Variants in KCNN3 observed in about 807,000 individuals in gnomAD.
KCNN3 encodes the protein potassium calcium-activated channel subfamily N member 3.
In KCNN3, 16 loss-of-function variants were observed where a neutral mutation model predicts 62.9. The ratio of observed to expected loss-of-function variants is 0.25; its 90% CI spans 0.17 to 0.39. KCNN3 has a LOEUF of 0.39. Ranked by LOEUF, KCNN3 falls within the 10% of genes least tolerant of loss-of-function variation. The pLI is 1.00. For synonymous variants in KCNN3, 370 were observed against 389.2 expected, an observed-to-expected ratio of 0.95 and a Z score of 0.58; for missense variants, 599 against 949.4, an observed-to-expected ratio of 0.63 and a Z score of 4.85.
At chr1:154,861,817 C>T (rs573369728) in intron 1 of KCNN3, among the ~76,000 whole-genome samples, 14 of 152,304 alleles carry the variant, frequency 9.2e-5, no homozygotes, top group African/African-American at 3.4e-4. Flanking sequence ...AATCAGATTG[C>T]GAAGCCTCGG....
chr1:154,849,296 G>T (rs1444828717), intron 1 of KCNN3, among the ~76,000 whole-genome samples: 1 of 152,248 alleles, frequency 6.6e-6, no homozygotes, highest in African/African-American at 2.4e-5. Context: ...GGAAACACAA[G>T]CAAGAAGCAA....
chr1:154,738,148 A>T (rs1231683103), intron 3 of KCNN3, among the ~76,000 whole-genome samples: 1 of 152,206 alleles, frequency 6.6e-6, no homozygotes, highest in Non-Finnish European at 1.5e-5. Context: ...ATGAAAATAG[A>T]TGCACACCAA....
In KCNN3 at chr1:154,821,755, G is replaced by A. The variant is rs147078218; in HGVS notation, c.1029+334C>T. On this transcript the variant is annotated intron_variant, in intron 2 of 7. Coordinates refer to ENST00000271915, the MANE Select transcript of KCNN3 (RefSeq NM_002249.6). ...TCAGAAAGGACAAGAGACACAAAAG[G>A]CAGAGCAATGCATCAGGGGCTCTCC... 4.2e-3 allele frequency among the ~76,000 whole-genome samples: 641 copies of A among 152,300 alleles called. 4 individuals carry two copies. The highest frequency in any genetic ancestry group is 0.015 in the African/African-American group (604 of 41,554).
chr1:154,762,268 T>C (rs766313576), intron 3 of KCNN3, among the ~76,000 whole-genome samples: 1 of 152,224 alleles, frequency 6.6e-6, no homozygotes, highest in African/African-American at 2.4e-5. Flanking sequence ...CTTCTTGCCC[T>C]CAGCGTAAGA....
chr1:154,807,974 G>C (rs1650251008), intron 2 of KCNN3, among the ~76,000 whole-genome samples: 1 of 152,134 alleles, frequency 6.6e-6, no homozygotes, highest in Admixed American at 6.5e-5. Flanking sequence ...TAAGGTCAGA[G>C]CAGGTCCCAG....
At position 154,869,428 on chromosome 1, in the gene KCNN3, C is replaced by T. The variant is rs1364361025; in HGVS notation, c.537G>A (p.Lys179=). The change falls in exon 1 of 8, where the codon AAG becomes AAA. Residue 179 remains lysine, a synonymous_variant. Coordinates refer to ENST00000271915, the MANE Select transcript of KCNN3 (RefSeq NM_002249.6). This position sits in a 1 kb window ranked among gnomAD's most constrained non-coding sequence, Gnocchi z 6.1. ...PFTEIAMSSC[K]YSGGVMKPLS... is the part of the protein sequence containing the mutation. ...GGGGCTTCATGACCCCACCGCTATACTTGCAGGAGCTCATGGCGATCTCCG... is the reference window on the plus strand; with the variant it reads ...GGGGCTTCATGACCCCACCGCTATATTTGCAGGAGCTCATGGCGATCTCCG... The T allele has an allele frequency of 8.1e-6, 13 of 1,613,970 alleles. No individual in the cohort carries two copies. The highest frequency in any genetic ancestry group is 1.1e-5 in the Non-Finnish European group (13 of 1,179,974).
At chr1:154,743,433 C>T (rs1026316953) in intron 3 of KCNN3, among the ~76,000 whole-genome samples, 2 of 152,186 alleles carry the variant, frequency 1.3e-5, no homozygotes, top group Non-Finnish European at 2.9e-5. Context: ...ACCTGGGGGC[C>T]TCTCTGAGCC....
At chr1:154,811,172 C>T (rs910807580) in intron 2 of KCNN3, among the ~76,000 whole-genome samples, 9 of 152,102 alleles carry the variant, frequency 5.9e-5, no homozygotes, top group South Asian at 2.1e-4. Context: ...AACCCCGGCC[C>T]GTGACGTTAG....
intron 2 of KCNN3, among the ~76,000 whole-genome samples, chr1:154,777,380 C>T (rs897273414): frequency 7.2e-5 from 11 of 152,022 alleles, no homozygotes; most frequent in East Asian, 5.8e-4. Flanking sequence ...GGTGTGTAGG[C>T]GGATGACTGT....
At chr1:154,792,579 C>G (rs548158005) in intron 2 of KCNN3, among the ~76,000 whole-genome samples, 1 of 152,200 alleles carries the variant, frequency 6.6e-6, no homozygotes, top group East Asian at 1.9e-4. Flanking sequence ...ATGGCCATCC[C>G]TTATTCCAGT....
At chr1:154,771,357 A>G (rs888654710) in intron 3 of KCNN3, among the ~76,000 whole-genome samples, 1 of 152,180 alleles carries the variant, frequency 6.6e-6, no homozygotes, top group Non-Finnish European at 1.5e-5. Context: ...TTCCATCAGT[A>G]CAGTGCTTCT....
At chr1:154,715,480 G>C (rs1216315175) in intron 5 of KCNN3, among the ~76,000 whole-genome samples, 2 of 149,288 alleles carry the variant, frequency 1.3e-5, no homozygotes. Flanking sequence ...AAATTCATCT[G>C]TTCTTAATCT....
intron 3 of KCNN3, among the ~76,000 whole-genome samples, chr1:154,754,310 C>T (rs1047180439): frequency 2.6e-5 from 4 of 151,998 alleles, no homozygotes; most frequent in Admixed American, 1.3e-4. Context: ...CAAGCGACAC[C>T]GCAGAATAAG....
At chr1:154,747,323 A>C (rs1700959796) in intron 3 of KCNN3, among the ~76,000 whole-genome samples, 1 of 151,980 alleles carries the variant, frequency 6.6e-6, no homozygotes, top group Non-Finnish European at 1.5e-5. Flanking sequence ...GCAGCCAGGG[A>C]AATCTTTCTG....
At chr1:154,817,198 G>A (rs1650703250) in intron 2 of KCNN3, among the ~76,000 whole-genome samples, 1 of 152,188 alleles carries the variant, frequency 6.6e-6, no homozygotes, top group South Asian at 2.1e-4. Flanking sequence ...CTGAAGAAAG[G>A]GGCTGACATA....
At position 154,760,016 on chromosome 1, in the gene KCNN3, C is replaced by CT. The variant is rs1009506079; in HGVS notation, c.1448+11958dup. ...TCTTTCTCCTCTCTTTCTTTTCCTT[C>CT]TTTCTTTCTTTTTGAGACGGAGTCT... On this transcript the variant is annotated intron_variant, in intron 3 of 7. Transcript: ENST00000271915. 8.6e-5 allele frequency among the ~76,000 whole-genome samples: 13 copies of CT among 151,594 alleles called. 1 individual carries two copies. In the South Asian group the frequency reaches 2.7e-3, roughly 32 times the overall value.
intron 5 of KCNN3, among the ~76,000 whole-genome samples, chr1:154,722,729 CT>C (rs374485465): frequency 0.017 from 2,232 of 133,706 alleles, 50 homozygotes; most frequent in African/African-American, 0.056. Context: ...GTGAGTATTT[CT>C]TTTTTTTTTT....
intron 7 of KCNN3, 76 bp downstream of exon 7, chr1:154,713,388 C>A: frequency 7.9e-7 from 1 of 1,258,748 alleles, no homozygotes; most frequent in South Asian, 1.2e-5. Flanking sequence ...GCGAACCCAG[C>A]CAGGACTCAC....
chr1:154,869,601 G>A lies in KCNN3; in HGVS notation c.364C>T (p.Pro122Ser). The stretch of plus-strand genomic sequence containing the variant: ...AGCTGGCTGCCTTGCCTGGAGGAAG[G>A]GTGGAGGATGGCGGTGGAGTTGGAC... Reference protein sequence around the residue: ...PSSNSTAILHPSSRQGSQLNL... With the variant: ...PSSNSTAILHSSSRQGSQLNL... The change falls in exon 1 of 8, where the codon CCT (proline) becomes TCT (serine). Residue 122 changes from proline to serine, a missense_variant. Physicochemically the swap from Pro to Ser is moderately conservative, Grantham distance 74 (BLOSUM62 -1). This residue lies in a region of KCNN3 where 112 missense variants were observed against 142.9 expected (regional missense o/e 0.78). Transcript: ENST00000271915. This position sits in a 1 kb window ranked among gnomAD's most constrained non-coding sequence, Gnocchi z 6.1. The A allele has an allele frequency of 6.2e-7, 1 of 1,614,124 alleles. No homozygotes were observed.
Sources: gnomAD v4.1 joint callset for allele counts (sites outside exome capture counted in the v4.1 genomes callset) on GRCh38, gnomAD v4.1.1 for gene constraint, gnomAD v4.1.1 regional missense constraint, Gnocchi (gnomAD v3.1) non-coding constraint, MANE v1.5 for transcripts, NCBI Gene and HGNC (gene_info 2026-07-23, HGNC 2026-07-21) for gene names.